The following DPP9 variants were observed in gnomAD, a reference collection of about 807,000 sequenced individuals.
The protein encoded by DPP9 is dipeptidyl peptidase IV-related protein-2.
DPP9 carries 50 observed loss-of-function variants against 110.7 expected under a neutral mutation model. That is an observed-to-expected ratio of 0.45 (90% CI 0.36 to 0.57). The LOEUF is 0.57. DPP9 is among the 20% of genes least tolerant of loss of function. DPP9 has a pLI of 0.00. For missense variants in DPP9, 1,022 were observed against 1,217.9 expected (o/e 0.84, Z 2.39); for synonymous variants, 561 against 514.4 (o/e 1.09, Z -1.23).
Position 4,682,909 on chromosome 19 carries a change from T to A in DPP9, c.2332-71A>T. ...CAGGCGTCGGGTCCTACAGCCAGCA[T>A]CAGCCGCTGTCCCGGGGCCGCCCTG... On this transcript the variant is annotated intron_variant, in intron 19 of 21. Coordinates refer to ENST00000262960, the MANE Select transcript of DPP9 (RefSeq NM_139159.5). This position sits in a 1 kb window ranked among gnomAD's most constrained non-coding sequence, Gnocchi z 7.1. 6.5e-7 allele frequency: 1 copy of A among 1,540,540 alleles called. No homozygotes were observed. The highest frequency in any genetic ancestry group is 8.7e-7 in the Non-Finnish European group (1 of 1,146,702).
intron 4 of DPP9, among the ~76,000 whole-genome samples, chr19:4,709,553 A>G (rs937475443): frequency 7.2e-5 from 11 of 152,140 alleles, no homozygotes; most frequent in Non-Finnish European, 1.6e-4. Context: ...ATGAGGGTCA[A>G]GTGATGTGTG....
At chr19:4,722,963 G>A (rs1401448166) in intron 1 of DPP9, among the ~76,000 whole-genome samples, 2 of 152,192 alleles carry the variant, frequency 1.3e-5, no homozygotes, top group Non-Finnish European at 2.9e-5. Context: ...TGTCAGGGCT[G>A]GCCTAAGGCT....
rs2088796967 is a variant in DPP9, at chr19:4,676,003, C to T, written c.*561G>A. ...GGCCAGGCTGGTCTTGAACTCCCAA[C>T]CTCAGGTGATCCGCCCGCCTCAGCC... On this transcript the variant is annotated 3_prime_UTR_variant, in exon 22 of 22. Transcript: ENST00000262960. This position sits in a 1 kb window ranked among gnomAD's most constrained non-coding sequence, Gnocchi z 4.0. 3 of 153,134 alleles carry T rather than the reference C, an allele frequency of 2.0e-5. No homozygotes were observed. Among genetic ancestry groups the T allele is most frequent in the Admixed American group, 1.3e-4 (2 of 15,378 alleles). The allele number at this position is 153,134 out of a possible 1,614,324, so 9.5% of individuals were successfully genotyped here.
intron 21 of DPP9, among the ~76,000 whole-genome samples, chr19:4,677,849 A>G (rs1354233805): frequency 6.6e-6 from 1 of 152,148 alleles, no homozygotes; most frequent in Non-Finnish European, 1.5e-5. Context: ...CTGGCTCCCC[A>G]ATGAGCTTCC....
chr19:4,713,021 C>T (rs969529909), intron 4 of DPP9, among the ~76,000 whole-genome samples: 3 of 152,220 alleles, frequency 2.0e-5, no homozygotes, highest in Non-Finnish European at 4.4e-5. Context: ...CCCAGCGCCA[C>T]CCCACCCCCA....
chr19:4,688,517 C>T (rs2091005948), intron 16 of DPP9: 2 of 442,250 alleles, frequency 4.5e-6, no homozygotes, highest in Non-Finnish European at 7.6e-6. Context: ...AGCTGCATCC[C>T]TGCCGGGTTC....
chr19:4,691,835 G>A (rs1007956893), intron 13 of DPP9, among the ~76,000 whole-genome samples: 10 of 152,010 alleles, frequency 6.6e-5, no homozygotes, highest in African/African-American at 2.4e-4. Context: ...CTGCCACCAT[G>A]CCCGGCTGGA....
chr19:4,697,627 G>A lies in DPP9; in HGVS notation c.1099C>T (p.Leu367=), dbSNP rs2091911491. 1 of 1,613,750 alleles carries A rather than the reference G, an allele frequency of 6.2e-7. No individual in the cohort carries two copies. The highest frequency in any genetic ancestry group is 8.5e-7 in the Non-Finnish European group (1 of 1,179,848). The change falls in exon 11 of 22, where the codon CTG becomes TTG. Residue 367 remains leucine (L), a synonymous_variant. Transcript: ENST00000262960. The part of the protein sequence containing the change: ...GKIVSTQEKE[L]VQPFSSLFPK... ...AACAGCGAGCTGAAGGGCTGCACCAGCTCCTTCTCCTGGGTCGAGACGATC... is the reference window on the plus strand; with the variant it reads ...AACAGCGAGCTGAAGGGCTGCACCAACTCCTTCTCCTGGGTCGAGACGATC...
chr19:4,714,378 T>C (rs1417298165), intron 3 of DPP9, 41 bp from the exon 4 acceptor site: 6 of 1,456,546 alleles, frequency 4.1e-6, no homozygotes, highest in Admixed American at 2.5e-5. Context: ...GGAGAACTGT[T>C]TTACCTACGA....
At chr19:4,697,887 C>G (rs1165099177) in intron 10 of DPP9, among the ~76,000 whole-genome samples, 1 of 152,136 alleles carries the variant, frequency 6.6e-6, no homozygotes, top group Admixed American at 6.5e-5. Context: ...GCTGTCCTTA[C>G]AGGGGGACAC....
In DPP9 at chr19:4,704,410, C is replaced by A. The variant is rs946454168; in HGVS notation, c.427-106G>T. 7.4e-6 allele frequency: 10 copies of A among 1,360,286 alleles called. No homozygotes were observed. Among genetic ancestry groups the A allele is most frequent in the Non-Finnish European group, 1.0e-5 (10 of 992,904 alleles). The allele number at this position is 1,360,286 out of a possible 1,614,324, so 84.3% of individuals were successfully genotyped here. On this transcript the variant is annotated intron_variant, in intron 5 of 21. Transcript: ENST00000262960. This position sits in a 1 kb window ranked among gnomAD's most constrained non-coding sequence, Gnocchi z 6.0. The stretch of plus-strand genomic sequence containing the variant: ...GGGGCATTCCCAGGGAATCTGACTT[C>A]GGGCCTCGCCAGAGAGAACTTCCTG...
chr19:4,699,827 C>CATCT (rs2092108055), intron 10 of DPP9, among the ~76,000 whole-genome samples: 1 of 152,232 alleles, frequency 6.6e-6, no homozygotes, highest in South Asian at 2.1e-4. Flanking sequence ...GTCCCCCAGC[C>CATCT]ATCTGCCCCA....
Position 4,688,865 on chromosome 19 carries a change from T to C in DPP9, c.1777A>G (p.Ser593Gly). The C allele has an allele frequency of 6.6e-7, 1 of 1,523,164 alleles. No homozygotes were observed. The highest frequency in any genetic ancestry group is 2.6e-5 in the East Asian group (1 of 37,908). 94.4% of individuals were successfully genotyped at this position (1,523,164 alleles called of 1,614,324 possible). ...ACGCAGGGCGGCGTGCTCACGCTGCTGTAGTGGCTGACGAACATGTCGAAG... is the reference window on the plus strand; with the variant it reads ...ACGCAGGGCGGCGTGCTCACGCTGCCGTAGTGGCTGACGAACATGTCGAAG... ...QNFDMFVSHY[S>G]SVSTPPCVHV... Residue 593 changes from serine to glycine, a missense_variant, in exon 16 of 22, where the codon AGC becomes GGC. Coordinates refer to ENST00000262960, the MANE Select transcript of DPP9 (RefSeq NM_139159.5).
At position 4,689,841 on chromosome 19, in the gene DPP9, G is replaced by A. The variant is rs909497265; in HGVS notation, c.1597-119C>T. On this transcript the variant is annotated intron_variant, in intron 14 of 21. Coordinates refer to ENST00000262960, the MANE Select transcript of DPP9 (RefSeq NM_139159.5). The surrounding 1 kb of genome is among the most constrained non-coding windows in gnomAD (Gnocchi z 7.0). ...CGGACTGGGGACGCATGCTGTCCTC[G>A]CCCAAGTCTGGCTTTAGGGCTGGAG... 9 of 1,129,540 alleles carry A rather than the reference G, an allele frequency of 8.0e-6. No individual in the cohort carries two copies. The highest frequency in any genetic ancestry group is 8.5e-6 in the Non-Finnish European group (7 of 822,134). The allele number at this position is 1,129,540 out of a possible 1,614,324, so 70.0% of individuals were successfully genotyped here.
chr19:4,681,139 C>T (rs780591391), intron 20 of DPP9, among the ~76,000 whole-genome samples: 5 of 152,130 alleles, frequency 3.3e-5, no homozygotes, highest in Non-Finnish European at 5.9e-5. Context: ...TCCAAATTAA[C>T]GGAACTTATA....
At chr19:4,696,677 A>T (rs2091828001) in intron 11 of DPP9, among the ~76,000 whole-genome samples, 1 of 151,920 alleles carries the variant, frequency 6.6e-6, no homozygotes, top group African/African-American at 2.4e-5. Flanking sequence ...TGAACCTGGG[A>T]GTCAGAGGTT....
At chr19:4,683,350 A>C (rs1448835873) in intron 19 of DPP9, 127 bp downstream of exon 19, 1 of 1,493,972 alleles carries the variant, frequency 6.7e-7, no homozygotes, top group East Asian at 2.4e-5. Context: ...GCCACGTGGC[A>C]AGGCCCCTGC....
chr19:4,677,098 C>T (rs1023820564), intron 21 of DPP9, among the ~76,000 whole-genome samples: 2 of 152,146 alleles, frequency 1.3e-5, no homozygotes, highest in Non-Finnish European at 2.9e-5. Flanking sequence ...GGCCTTAGGA[C>T]AGCTGCCTGT....
At chr19:4,717,689 A>G (rs1166243322) in intron 3 of DPP9, 1 of 152,266 alleles carries the variant, frequency 6.6e-6, no homozygotes, top group African/African-American at 2.4e-5. Context: ...ACATCGCGAG[A>G]AACTTCCAGG....
Sources: allele counts gnomAD v4.1 joint callset (sites outside exome capture counted in the v4.1 genomes callset), GRCh38; gene constraint gnomAD v4.1.1; non-coding constraint Gnocchi (gnomAD v3.1); transcripts MANE v1.5; gene names NCBI Gene and HGNC (gene_info 2026-07-23, HGNC 2026-07-21).